The following MEGF10 variants were observed in gnomAD, a reference collection of about 807,000 sequenced individuals.
MEGF10 encodes the protein multiple epidermal growth factor-like domains protein 10.
A neutral mutation model predicts 147.5 loss-of-function variants in MEGF10; 86 were observed. That is an observed-to-expected ratio of 0.58 (90% CI 0.49 to 0.70). MEGF10 has a LOEUF of 0.70. Ranked by LOEUF, MEGF10 falls within the 30% of genes least tolerant of loss-of-function variation. MEGF10 has a pLI of 0.00. For missense variants in MEGF10, 1,329 were observed against 1,487.3 expected (o/e 0.89, Z 1.75); for synonymous variants, 478 against 525.5 (o/e 0.91, Z 1.24).
At chr5:127,445,748 G>A (rs369031846) in intron 20 of MEGF10, 55 bp downstream of exon 20, 15 of 1,340,540 alleles carry the variant, frequency 1.1e-5, no homozygotes, top group East Asian at 2.3e-5. Flanking sequence ...AATTTCATTC[G>A]GGTTCTTTAA....
chr5:127,362,380 T>A (rs1423247838), intron 4 of MEGF10, among the ~76,000 whole-genome samples: 16 of 151,004 alleles, frequency 1.1e-4, no homozygotes, highest in Admixed American at 5.9e-4. Flanking sequence ...TTATTATTTT[T>A]TTTTTTTGAG....
At chr5:127,406,719 C>A (rs1266592718) in intron 8 of MEGF10, among the ~76,000 whole-genome samples, 2 of 151,962 alleles carry the variant, frequency 1.3e-5, no homozygotes, top group Non-Finnish European at 2.9e-5. Context: ...CATAGATTGC[C>A]CAAATAAAAG....
At chr5:127,264,848 C>T in the MEGF10 span, among the ~76,000 whole-genome samples, 1 of 151,720 alleles carries the variant, frequency 6.6e-6, no homozygotes, top group Non-Finnish European at 1.5e-5. Flanking sequence ...ATGTGCAGGA[C>T]GTGCAGGTTT....
intron 4 of MEGF10, among the ~76,000 whole-genome samples, chr5:127,349,335 T>C (rs1580746200): frequency 1.3e-5 from 2 of 152,178 alleles, no homozygotes; most frequent in East Asian, 3.8e-4. Context: ...TTCTTGATAT[T>C]TATTTTTATA....
At chr5:127,273,963 G>T in the MEGF10 span, among the ~76,000 whole-genome samples, 1 of 152,176 alleles carries the variant, frequency 6.6e-6, no homozygotes, top group Non-Finnish European at 1.5e-5. Flanking sequence ...TTCAAGTGAT[G>T]AATGACCATG....
At chr5:127,300,908 C>G (rs760401771) in intron 1 of MEGF10, among the ~76,000 whole-genome samples, 1 of 152,210 alleles carries the variant, frequency 6.6e-6, no homozygotes, top group African/African-American at 2.4e-5. Flanking sequence ...GAATCTAAAA[C>G]AAATGCACCT....
At chr5:127,417,877 AT>A in intron 10 of MEGF10, 65 bp downstream of exon 10, 3 of 1,505,746 alleles carry the variant, frequency 2.0e-6, no homozygotes, top group Non-Finnish European at 2.7e-6. Context: ...CAATACCATG[AT>A]TTATATGACC....
intron 13 of MEGF10, among the ~76,000 whole-genome samples, chr5:127,432,316 A>T (rs1340558323): frequency 6.6e-6 from 1 of 152,224 alleles, no homozygotes; most frequent in Non-Finnish European, 1.5e-5. Context: ...TAAGGTTCAG[A>T]CTGTGGTGAC....
In MEGF10 at chr5:127,440,828, A is replaced by G; in HGVS notation, c.2323A>G (p.Thr775Ala). ...ADCDHISGQC[T>A]CRTGFMGRHC... ...CTGCGACCACATTTCTGGGCAGTGTACTTGCCGCACTGGATTCATGGGACG... is the reference window on the plus strand; with the variant it reads ...CTGCGACCACATTTCTGGGCAGTGTGCTTGCCGCACTGGATTCATGGGACG... The change falls in exon 18 of 25, where the codon ACT becomes GCT. Residue 775 changes from threonine (T) to alanine (A), a missense_variant. Around this residue, in one of 3 missense-constraint regions of MEGF10, gnomAD observed 980 missense variants for 1,085.9 expected, o/e 0.90. Transcript: ENST00000503335. The G allele has an allele frequency of 1.9e-6, 3 of 1,614,138 alleles. No homozygotes were observed. The highest frequency in any genetic ancestry group is 2.5e-6 in the Non-Finnish European group (3 of 1,179,984).
chr5:127,422,684 G>A lies in MEGF10; in HGVS notation c.1605G>A (p.Gly535=), dbSNP rs778418145. 3.7e-6 allele frequency: 6 copies of A among 1,613,918 alleles called. No homozygotes were observed. The highest frequency in any genetic ancestry group is 2.5e-6 in the Non-Finnish European group (3 of 1,179,966). The change falls in exon 13 of 25, where the codon GGG becomes GGA. Residue 535 remains glycine, a synonymous_variant. Transcript: ENST00000503335. ...TTTCCATGCAGGATGGCACGTACGG[G>A]CTGAACTGTGCTGAGCGCTGCGACT... is the stretch of plus-strand genomic sequence containing the variant. ...CELPCQDGTY[G]LNCAERCDCS...
At chr5:127,325,993 T>G (rs1268434437) in intron 1 of MEGF10, among the ~76,000 whole-genome samples, 1 of 150,820 alleles carries the variant, frequency 6.6e-6, no homozygotes, top group Non-Finnish European at 1.5e-5. Context: ...AGCCTTGACC[T>G]TCGAGGCTCA....
intron 19 of MEGF10, chr5:127,444,917 A>G (rs1040756935): frequency 5.9e-5 from 9 of 152,990 alleles, no homozygotes; most frequent in Admixed American, 3.9e-4. Context: ...TTGGTTAAGC[A>G]GTTGGGACAT....
chr5:127,404,077 G>A (rs112001772), intron 8 of MEGF10, among the ~76,000 whole-genome samples: 3 of 151,908 alleles, frequency 2.0e-5, no homozygotes, highest in Non-Finnish European at 4.4e-5. Context: ...CAAGGGTTCC[G>A]TTTTCTCTGC....
intron 5 of MEGF10, among the ~76,000 whole-genome samples, chr5:127,391,939 G>A (rs1763712635): frequency 6.6e-6 from 1 of 151,978 alleles, no homozygotes; most frequent in Non-Finnish European, 1.5e-5. Flanking sequence ...CAAGGCTGGA[G>A]GATCTGTTGA....
chr5:127,311,557 G>A (rs945102911), intron 1 of MEGF10, among the ~76,000 whole-genome samples: 2 of 152,148 alleles, frequency 1.3e-5, no homozygotes, highest in African/African-American at 2.4e-5. Flanking sequence ...ATGCTTGTAC[G>A]TCTGGTATGA....
At chr5:127,332,863 G>C (rs565382723) in intron 2 of MEGF10, among the ~76,000 whole-genome samples, 1 of 152,244 alleles carries the variant, frequency 6.6e-6, no homozygotes, top group East Asian at 1.9e-4. Flanking sequence ...ACCATTGGTA[G>C]TTGAACTTCT....
intron 16 of MEGF10, among the ~76,000 whole-genome samples, chr5:127,438,020 T>G (rs1765620622): frequency 6.6e-6 from 1 of 152,210 alleles, no homozygotes; most frequent in Non-Finnish European, 1.5e-5. Flanking sequence ...ATTTTTCATT[T>G]TGTTGGTTGG....
At chr5:127,425,989 C>A (rs182569206) in intron 13 of MEGF10, among the ~76,000 whole-genome samples, 89 of 152,316 alleles carry the variant, frequency 5.8e-4, no homozygotes, top group Non-Finnish European at 1.1e-3. Context: ...GGGCTCTTCC[C>A]CTGATCAAAT....
At chr5:127,362,147 C>G (rs2126843016) in intron 4 of MEGF10, among the ~76,000 whole-genome samples, 1 of 152,012 alleles carries the variant, frequency 6.6e-6, no homozygotes, top group East Asian at 1.9e-4. Context: ...ATCTATTTCT[C>G]ATTGCAGTTT....
Sources: gnomAD v4.1 joint callset for allele counts (sites outside exome capture counted in the v4.1 genomes callset) on GRCh38, gnomAD v4.1.1 for gene constraint, gnomAD v4.1.1 regional missense constraint, MANE v1.5 for transcripts, NCBI Gene and HGNC (gene_info 2026-07-23, HGNC 2026-07-21) for gene names.